The following TTC7A variants were observed in gnomAD, a reference collection of about 807,000 sequenced individuals.
The protein encoded by TTC7A is tetratricopeptide repeat protein 7A.
In TTC7A, 110 loss-of-function variants were observed where a neutral mutation model predicts 103.7. The ratio of observed to expected loss-of-function variants is 1.06; its 90% CI spans 0.91 to 1.24. The LOEUF is 1.24. TTC7A is among the 50% of genes most tolerant of loss of function. The probability of loss-of-function intolerance (pLI) is 0.00; values close to 1 mark genes in which losing one functional copy is unlikely to be tolerated. For synonymous variants in TTC7A, 521 were observed against 467.9 expected (o/e 1.11, Z -1.47); for missense variants, 1,340 against 1,116.3 (o/e 1.20, Z -2.86).
chr2:47,033,176 G>T lies in TTC7A; in HGVS notation c.1802+3792G>T, dbSNP rs541068089. On this transcript the variant is annotated intron_variant, in intron 15 of 19. Transcript: ENST00000319190. ...TCAGCTGCTCTGCATTTGAGGAGAAGCCCTGTGTGCCTCCAGCTGTTGCCA... is the reference window on the plus strand; with the variant it reads ...TCAGCTGCTCTGCATTTGAGGAGAATCCCTGTGTGCCTCCAGCTGTTGCCA... Among the ~76,000 whole-genome samples, 9 of 152,326 alleles carry T rather than the reference G, an allele frequency of 5.9e-5. No individual in the cohort carries two copies. In the East Asian group the frequency reaches 1.2e-3, roughly 20 times the overall value.
intron 8 of TTC7A, chr2:46,999,697 C>G (rs1045210365): frequency 3.0e-6 from 3 of 985,428 alleles, no homozygotes; most frequent in South Asian, 4.7e-5. Context: ...ATCAAACCAG[C>G]CTGATTTTCT....
In TTC7A at chr2:47,047,163, C is replaced by T. The variant is rs114428349; in HGVS notation, c.1919+732C>T. ...GTGGGCCTCCTTCAGGTCAGGAGCCCTGCCTCTTCCTGATCCTCTTGTCCT... is the reference window on the plus strand; with the variant it reads ...GTGGGCCTCCTTCAGGTCAGGAGCCTTGCCTCTTCCTGATCCTCTTGTCCT... On this transcript the variant is annotated intron_variant, in intron 16 of 19. Transcript: ENST00000319190. The T allele has an allele frequency of 4.4e-3, 3,014 of 687,490 alleles. 83 individuals are homozygous for T. In the African/African-American group the frequency reaches 0.048, roughly 11 times the overall value. 42.6% of individuals were successfully genotyped at this position (687,490 alleles called of 1,614,324 possible). A position where few individuals can be genotyped will look rare whatever the true frequency, so the allele number is the denominator to read the frequency against.
chr2:46,977,388 T>C (rs1202149472), intron 4 of TTC7A, among the ~76,000 whole-genome samples: 1 of 152,224 alleles, frequency 6.6e-6, no homozygotes, highest in Non-Finnish European at 1.5e-5. Context: ...GGATGCCTCA[T>C]TGATTTTTTT....
At chr2:47,018,297 A>G (rs1255025400) in intron 11 of TTC7A, among the ~76,000 whole-genome samples, 2 of 140,414 alleles carry the variant, frequency 1.4e-5, no homozygotes, top group Non-Finnish European at 3.1e-5. Context: ...AAAAAAAAAA[A>G]GCTGGCCAGG....
At chr2:46,936,828 G>A (rs1670003537), upstream of TTC7A, among the ~76,000 whole-genome samples, 1 of 151,522 alleles carries the variant, frequency 6.6e-6, no homozygotes, top group African/African-American at 2.4e-5. Context: ...TCATTAGCAT[G>A]AGCAAGCATA....
intron 15 of TTC7A, among the ~76,000 whole-genome samples, chr2:47,044,487 C>G (rs753651885): frequency 1.3e-5 from 2 of 152,160 alleles, no homozygotes; most frequent in African/African-American, 2.4e-5. Context: ...GGGCTGTGTC[C>G]TGCCAGCTGT....
At chr2:47,039,323 C>T (rs919088156) in intron 15 of TTC7A, among the ~76,000 whole-genome samples, 2 of 152,180 alleles carry the variant, frequency 1.3e-5, no homozygotes, top group African/African-American at 2.4e-5. Flanking sequence ...AATGTGCACC[C>T]GACGTGCTTG....
chr2:46,951,726 A>G (rs773161380), intron 2 of TTC7A: 1 of 452,770 alleles, frequency 2.2e-6, no homozygotes, highest in Non-Finnish European at 4.4e-6. Context: ...TTAAAGAGCT[A>G]TTCCAAAGTA....
chr2:47,039,698 T>A lies in TTC7A; in HGVS notation c.1803-6617T>A, dbSNP rs1432551031. ...AGTCTTAATCCTTTTGACAAATAATTAGCAGTGTGATCCTGCCCTAGGAGT... is the reference window on the plus strand; with the variant it reads ...AGTCTTAATCCTTTTGACAAATAATAAGCAGTGTGATCCTGCCCTAGGAGT... On this transcript the variant is annotated intron_variant, in intron 15 of 19. Coordinates refer to ENST00000319190, the MANE Select transcript of TTC7A (RefSeq NM_020458.4). Among the ~76,000 whole-genome samples, 5 of 152,344 alleles carry A rather than the reference T, an allele frequency of 3.3e-5. No individual in the cohort carries two copies. In the East Asian group the frequency reaches 9.6e-4, roughly 29 times the overall value.
In TTC7A at chr2:46,927,884, G is replaced by GTT. The variant is rs566447236; in HGVS notation, c.82+10633_82+10634dup. On this transcript the variant is annotated intron_variant, in intron 2 of 20. Coordinates refer to the TTC7A transcript ENST00000409245. ...ACACTAATATTGGGGTTTTTTTGGT[G>GTT]TTTTTTTTTTTTTTTTTTTTTTTTT... Among the ~76,000 whole-genome samples, 407 of 73,324 alleles carry GTT rather than the reference G, an allele frequency of 5.6e-3. 42 individuals carry two copies. Among genetic ancestry groups the GTT allele is most frequent in the African/African-American group, 0.012 (203 of 17,072 alleles). The allele number at this position is 73,324 out of a possible 152,430, so 48.1% of individuals were successfully genotyped here. A position where few individuals can be genotyped will look rare whatever the true frequency, so the allele number is the denominator to read the frequency against.
At chr2:47,006,879 A>T (rs1468412393) in intron 10 of TTC7A, among the ~76,000 whole-genome samples, 155 bp downstream of exon 10, 1 of 152,168 alleles carries the variant, frequency 6.6e-6, no homozygotes, top group Non-Finnish European at 1.5e-5. Flanking sequence ...TGGGCCACAC[A>T]GACACCTTGT....
chr2:47,055,662 A>C (rs1234993750), intron 18 of TTC7A, among the ~76,000 whole-genome samples: 2 of 152,108 alleles, frequency 1.3e-5, no homozygotes, highest in East Asian at 3.9e-4. Flanking sequence ...CCTACCCTGG[A>C]GGTCCAAGGG....
intron 13 of TTC7A, 118 bp downstream of exon 13, chr2:47,023,583 A>C: frequency 9.0e-7 from 1 of 1,108,834 alleles, no homozygotes; most frequent in South Asian, 1.4e-5. Context: ...TCCATTTTAC[A>C]GATGAGGGAA....
chr2:46,947,468 C>T (rs1469830391), intron 1 of TTC7A, among the ~76,000 whole-genome samples: 1 of 152,188 alleles, frequency 6.6e-6, no homozygotes, highest in Non-Finnish European at 1.5e-5. Context: ...GTAATCCTAG[C>T]ATTTTGGGAG....
intron 3 of TTC7A, 73 bp downstream of exon 3, chr2:46,957,080 C>A: frequency 1.3e-6 from 2 of 1,583,374 alleles, no homozygotes; most frequent in Non-Finnish European, 1.7e-6. Context: ...CAGGGCCCTG[C>A]TGGGCTCGTG....
chr2:46,971,500 G>A (rs7557193), intron 3 of TTC7A, among the ~76,000 whole-genome samples: 105,536 of 151,798 alleles, frequency 0.7, 36,953 homozygotes, highest in East Asian at 0.75. Context: ...AGGGCCTGGT[G>A]TGGAGCTTCC....
Position 47,046,431 on chromosome 2 carries a change from G to T in TTC7A, c.1919G>T (p.Gly640Val), listed in dbSNP as rs1035429036. 1.9e-6 allele frequency: 3 copies of T among 1,613,384 alleles called. No homozygotes were observed. Among genetic ancestry groups the T allele is most frequent in the Middle Eastern group, 1.7e-4 (1 of 6,056 alleles). The change falls in exon 16 of 20, where the codon GGA becomes GTA. Residue 640 changes from glycine (G) to valine (V), a missense_variant and splice_region_variant. Physicochemically the swap from Gly to Val is moderately radical, Grantham distance 109 (BLOSUM62 -3). Coordinates refer to ENST00000319190, the MANE Select transcript of TTC7A (RefSeq NM_020458.4). ...WQTLYSFSQL[G>V]GLEKDGSFGE... ...ACCCTGTACAGCTTCTCCCAGCTGG[G>T]GTGAGTGGCCGTCATTGTCTCTTGG...
intron 10 of TTC7A, among the ~76,000 whole-genome samples, chr2:47,008,119 G>A (rs1677626853): frequency 6.6e-6 from 1 of 152,134 alleles, no homozygotes; most frequent in African/African-American, 2.4e-5. Context: ...GGAGCCTGGG[G>A]AGACAGCTCA....
rs755038038 is a variant in TTC7A, at chr2:46,956,985, G to A, written c.495G>A (p.Leu165=). ...AGCCCCTGTATCAGATGCGGCTGCT[G>A]TCGGAGGCTTTTGTCATCAAAGGTA... is the stretch of plus-strand genomic sequence containing the variant. ...ENKPLYQMRL[L]SEAFVIKGLS... The change falls in exon 3 of 20, where the codon CTG becomes CTA. Residue 165 remains leucine (L), a synonymous_variant. Transcript: ENST00000319190. 18 of 1,614,062 alleles carry A rather than the reference G, an allele frequency of 1.1e-5. No homozygotes were observed. In the South Asian group the frequency reaches 1.9e-4, roughly 17 times the overall value.
Sources: gnomAD v4.1 joint callset for allele counts (sites outside exome capture counted in the v4.1 genomes callset) on GRCh38, gnomAD v4.1.1 for gene constraint, MANE v1.5 for transcripts, NCBI Gene and HGNC (gene_info 2026-07-23, HGNC 2026-07-21) for gene names.